MPDZ: variants seen among roughly 807,000 people sequenced by gnomAD.
The protein encoded by MPDZ is multiple PDZ domain protein.
In MPDZ, 234 loss-of-function variants were observed where a neutral mutation model predicts 239.1. The ratio of observed to expected loss-of-function variants is 0.98; its 90% CI spans 0.88 to 1.09. MPDZ has a LOEUF of 1.09. MPDZ is among the 50% of genes least tolerant of loss of function. The probability of loss-of-function intolerance (pLI) is 0.00; values close to 1 mark genes in which losing one functional copy is unlikely to be tolerated. For missense variants in MPDZ, 3,175 were observed against 2,510.0 expected (o/e 1.26, Z -5.66); for synonymous variants, 1,048 against 881.3 (o/e 1.19, Z -3.35).
At chr9:13,165,080 C>T (rs537919488) in intron 22 of MPDZ, among the ~76,000 whole-genome samples, 20 of 152,188 alleles carry the variant, frequency 1.3e-4, no homozygotes, top group South Asian at 6.2e-4. Context: ...TATTCCTGCA[C>T]GTGCAGACAG....
At chr9:13,118,475 T>C (rs1259833880) in intron 39 of MPDZ, among the ~76,000 whole-genome samples, 1 of 152,206 alleles carries the variant, frequency 6.6e-6, no homozygotes, top group Non-Finnish European at 1.5e-5. Context: ...GAGGCTCCCC[T>C]TAGCGTATTA....
At chr9:13,254,251 C>T (rs1320168642) in intron 1 of MPDZ, among the ~76,000 whole-genome samples, 5 of 152,094 alleles carry the variant, frequency 3.3e-5, no homozygotes, top group African/African-American at 9.7e-5. Context: ...TAGAAACCAC[C>T]GGTCGGTCTA....
At chr9:13,165,528 T>C in intron 22 of MPDZ, 1 of 1,184,840 alleles carries the variant, frequency 8.4e-7, no homozygotes, top group South Asian at 1.6e-5. Flanking sequence ...CTGGTTGTTT[T>C]TTTTCCCCCT....
intron 32 of MPDZ, among the ~76,000 whole-genome samples, chr9:13,128,519 C>T (rs1004164880): frequency 5.9e-5 from 9 of 152,142 alleles, no homozygotes; most frequent in Admixed American, 3.9e-4. Flanking sequence ...AGCAGAACCC[C>T]CAGCTAAAAT....
intron 3 of MPDZ, among the ~76,000 whole-genome samples, chr9:13,232,010 A>T (rs576084520): frequency 2.6e-5 from 4 of 152,192 alleles, no homozygotes; most frequent in Admixed American, 6.5e-5. Flanking sequence ...AAGATGGGAG[A>T]AAAAAAATAA....
At chr9:13,192,513 C>G (rs1158123623) in intron 14 of MPDZ, among the ~76,000 whole-genome samples, 4 of 152,016 alleles carry the variant, frequency 2.6e-5, no homozygotes, top group African/African-American at 7.2e-5. Context: ...AGAAAAACCA[C>G]TAGCTTTCAT....
chr9:13,185,565 T>C (rs1027862868), intron 18 of MPDZ, among the ~76,000 whole-genome samples: 3 of 152,094 alleles, frequency 2.0e-5, no homozygotes, highest in African/African-American at 7.2e-5. Context: ...GATGTACAAT[T>C]TGTTGTATTT....
chr9:13,270,181 T>C (rs541929615), intron 1 of MPDZ, among the ~76,000 whole-genome samples: 49 of 152,248 alleles, frequency 3.2e-4, no homozygotes, highest in African/African-American at 1.2e-3. Flanking sequence ...TAAACATTAA[T>C]ATTAAGAGCA....
At chr9:13,149,072 A>T (rs1948806226) in intron 25 of MPDZ, among the ~76,000 whole-genome samples, 2 of 152,010 alleles carry the variant, frequency 1.3e-5, no homozygotes, top group South Asian at 4.1e-4. Flanking sequence ...ACAATCCAAA[A>T]TTTGAAATTT....
chr9:13,172,452 G>A (rs534488021), intron 21 of MPDZ, among the ~76,000 whole-genome samples: 3 of 148,704 alleles, frequency 2.0e-5, no homozygotes, highest in Non-Finnish European at 3.0e-5. Flanking sequence ...GCACGATCTC[G>A]GCTCACTGCA....
At chr9:13,163,296 T>C (rs961256842) in intron 22 of MPDZ, among the ~76,000 whole-genome samples, 1 of 152,200 alleles carries the variant, frequency 6.6e-6, no homozygotes, top group African/African-American at 2.4e-5. Flanking sequence ...TTTCAATAAT[T>C]ATGTTAGCTC....
rs146114743 is a variant in MPDZ, at chr9:13,254,677, A to G, written c.-57-4305T>C. Among the ~76,000 whole-genome samples the G allele has an allele frequency of 7.2e-3, 1,103 of 152,324 alleles. 10 individuals are homozygous for G. The highest frequency in any genetic ancestry group is 0.024 in the African/African-American group (1,006 of 41,576). On this transcript the variant is annotated intron_variant, in intron 1 of 46. Transcript: ENST00000319217. ...CAAAAGGGGTCACATGAATTTTTTC[A>G]TTTCTCAGTGCGTACAAAAGTCATG...
In MPDZ at chr9:13,123,250, G is replaced by T. The variant is rs752274572; in HGVS notation, c.4856C>A (p.Thr1619Asn). Residue 1619 changes from threonine to asparagine, a missense_variant, in exon 36 of 47, where the codon ACC (threonine) becomes AAC (asparagine). By Grantham distance (65) the Thr-to-Asn change is moderately conservative (BLOSUM62 0). Coordinates refer to ENST00000319217, the MANE Select transcript of MPDZ (RefSeq NM_001378778.1). ...TTCGCAGCCAGGGATAATGGGGCAGGTTGCAGGATCAGAAGCAAAAATTGC... is the reference window on the plus strand; with the variant it reads ...TTCGCAGCCAGGGATAATGGGGCAGTTTGCAGGATCAGAAGCAAAAATTGC... Reference protein sequence around the residue: ...TPAIFASDPATCPIIPGCETT... With the variant: ...TPAIFASDPANCPIIPGCETT... 6.2e-7 allele frequency: 1 copy of T among 1,613,290 alleles called. No individual in the cohort carries two copies. The highest frequency in any genetic ancestry group is 8.5e-7 in the Non-Finnish European group (1 of 1,179,708).
At chr9:13,196,380 T>A (rs1955652235) in intron 12 of MPDZ, 150 bp from the exon 13 acceptor site, 1 of 487,638 alleles carries the variant, frequency 2.1e-6, no homozygotes, top group Non-Finnish European at 3.6e-6. Flanking sequence ...CATAATTATT[T>A]AAATACTTCA....
intron 24 of MPDZ, among the ~76,000 whole-genome samples, chr9:13,152,706 T>C (rs1378686831): frequency 6.6e-6 from 1 of 152,106 alleles, no homozygotes; most frequent in Non-Finnish European, 1.5e-5. Flanking sequence ...CATCATCTCC[T>C]TACTATTCCT....
chr9:13,157,129 G>A (rs56361132), intron 24 of MPDZ, among the ~76,000 whole-genome samples: 4 of 152,126 alleles, frequency 2.6e-5, no homozygotes, highest in South Asian at 2.1e-4. Context: ...TGGCATTTAC[G>A]AATATTACAA....
chr9:13,180,144 T>C (rs964588997), intron 19 of MPDZ, among the ~76,000 whole-genome samples: 2 of 151,618 alleles, frequency 1.3e-5, no homozygotes, highest in Non-Finnish European at 2.9e-5. Flanking sequence ...TCTAACCCCA[T>C]CTGCAAAAAA....
chr9:13,218,993 T>C (rs554124887), intron 8 of MPDZ, among the ~76,000 whole-genome samples: 11 of 152,062 alleles, frequency 7.2e-5, no homozygotes, highest in African/African-American at 1.9e-4. Flanking sequence ...GTTTAAAAAA[T>C]TATATAACTG....
At chr9:13,186,074 T>C (rs1181171009) in intron 18 of MPDZ, among the ~76,000 whole-genome samples, 196 bp downstream of exon 18, 1 of 152,204 alleles carries the variant, frequency 6.6e-6, no homozygotes, top group Non-Finnish European at 1.5e-5. Flanking sequence ...TAAGTTTTCC[T>C]CACAAATGTT....
Sources: allele counts gnomAD v4.1 joint callset (sites outside exome capture counted in the v4.1 genomes callset), GRCh38; gene constraint gnomAD v4.1.1; transcripts MANE v1.5; gene names NCBI Gene and HGNC (gene_info 2026-07-23, HGNC 2026-07-21).